The following DMBT1 variants were observed in gnomAD, a reference collection of about 807,000 sequenced individuals.
The protein encoded by DMBT1 is scavenger receptor cysteine-rich domain-containing protein DMBT1.
A neutral mutation model predicts 252.9 loss-of-function variants in DMBT1; 198 were observed. That is an observed-to-expected ratio of 0.78 (90% CI 0.70 to 0.88). The LOEUF (loss-of-function observed/expected upper bound fraction) is 0.88. DMBT1 is among the 40% of genes least tolerant of loss of function. The pLI, the probability that DMBT1 is intolerant of heterozygous loss-of-function variation, is 0.00. For missense variants in DMBT1, 2,432 were observed against 2,404.7 expected, an observed-to-expected ratio of 1.01 and a Z score of -0.24; for synonymous variants, 990 against 942.7, an observed-to-expected ratio of 1.05 and a Z score of -0.92.
chr10:122,636,129 C>T lies in DMBT1; in HGVS notation c.6687C>T (p.Ile2229=). Residue 2229 remains isoleucine (I), a synonymous_variant, in exon 53 of 56, where the codon ATC becomes ATT. Coordinates refer to ENST00000338354, the MANE Select transcript of DMBT1 (RefSeq NM_001377530.1). ...CCAACTTCATGTCCATTCGCTTCAT[C>T]AGTGACCACAGCATCACAAGGAGAG... ...SSSNFMSIRF[I]SDHSITRRGF... 1 of 1,613,972 alleles carries T rather than the reference C, an allele frequency of 6.2e-7. No homozygotes were observed. Among genetic ancestry groups the T allele is most frequent in the Non-Finnish European group, 8.5e-7 (1 of 1,179,880 alleles).
chr10:122,574,784 G>A (rs2097697227), intron 6 of DMBT1, among the ~76,000 whole-genome samples: 1 of 152,222 alleles, frequency 6.6e-6, no homozygotes. Flanking sequence ...GTCCAGCCAG[G>A]GATGGGAGTG....
intron 1 of DMBT1, among the ~76,000 whole-genome samples, chr10:122,565,399 T>C (rs920590969): frequency 1.3e-5 from 2 of 152,068 alleles, no homozygotes; most frequent in African/African-American, 4.8e-5. Flanking sequence ...CACTCACGAG[T>C]ATAGTTAGAA....
At position 122,598,012 on chromosome 10, in the gene DMBT1, G is replaced by A. The variant is rs201288175; in HGVS notation, c.2956G>A (p.Gly986Arg). The A allele has an allele frequency of 2.2e-5, 35 of 1,613,770 alleles. No homozygotes were observed. Among genetic ancestry groups the A allele is most frequent in the Non-Finnish European group, 3.0e-5 (35 of 1,179,858 alleles). The part of the protein sequence containing the change: ...PTITLPASTV[G>R]SESSLALRLV... ...CATCACCTTGCCTGCATCGACAGTA[G>A]GTAAATATTCCTCTCGCCCCTCCCT... is the stretch of plus-strand genomic sequence containing the variant. Residue 986 changes from glycine (G) to arginine (R), a missense_variant and splice_region_variant, in exon 25 of 56, where the codon GGA becomes AGA. By Grantham distance (125) the Gly-to-Arg change is moderately radical. Around this residue, in one of 3 missense-constraint regions of DMBT1, gnomAD observed 1,264 missense variants for 1,082.2 expected, o/e 1.17. Transcript: ENST00000338354.
At chr10:122,573,613 A>T in intron 5 of DMBT1, 102 bp from the exon 6 acceptor site, 1 of 1,404,170 alleles carries the variant, frequency 7.1e-7, no homozygotes, top group Non-Finnish European at 1.0e-6. Context: ...TGCCCTTAGG[A>T]CCTGTGCTTC....
At chr10:122,577,600 G>A (rs536389045) in intron 7 of DMBT1, among the ~76,000 whole-genome samples, 2 of 152,288 alleles carry the variant, frequency 1.3e-5, no homozygotes, top group South Asian at 2.1e-4. Context: ...CATATCCCTG[G>A]AGAGTGAGCC....
At chr10:122,580,078 T>C (rs1188372169) in intron 10 of DMBT1, among the ~76,000 whole-genome samples, 177 bp downstream of exon 10, 1 of 152,182 alleles carries the variant, frequency 6.6e-6, no homozygotes, top group African/African-American at 2.4e-5. Flanking sequence ...CTGTGGTCAC[T>C]TAGGACAGGG....
At position 122,629,895 on chromosome 10, in the gene DMBT1, C is replaced by T. The variant is rs1175680925; in HGVS notation, c.5724C>T (p.Ser1908=). ...TCTATGCCAGTGGGACATTCTCCAG[C>T]CCATCCTACCCTGCATACTACCCCA... ...FLFYASGTFS[S]PSYPAYYPNN... is the part of the protein sequence containing the mutation. The change falls in exon 47 of 56, where the codon AGC becomes AGT. Residue 1908 remains serine (S), a synonymous_variant. Coordinates refer to ENST00000338354, the MANE Select transcript of DMBT1 (RefSeq NM_001377530.1). 1.9e-6 allele frequency: 3 copies of T among 1,613,964 alleles called. No individual in the cohort carries two copies. In the Admixed American group the frequency reaches 5.0e-5, roughly 27 times the overall value.
rs773946911 is a variant in DMBT1 at position 122,631,018 on chromosome 10, T to C, written c.6083T>C (p.Val2028Ala). ...NSSYGLCAGR[V>A]EIYHGGTWGT... ...TCCTATGGTCTATGTGCCGGGCGTG[T>C]AGAAATTTACCATGGTGGCACCTGG... The change falls in exon 49 of 56, where the codon GTA becomes GCA. Residue 2028 changes from valine (V) to alanine (A), a missense_variant. This residue lies in a region of DMBT1 where 1,162 missense variants were observed against 1,169.0 expected (regional missense o/e 0.99). Coordinates refer to ENST00000338354, the MANE Select transcript of DMBT1 (RefSeq NM_001377530.1). The C allele has an allele frequency of 2.5e-6, 4 of 1,613,058 alleles. No individual in the cohort carries two copies. In the African/African-American group the frequency reaches 5.3e-5, roughly 22 times the overall value.
chr10:122,586,643 C>T lies in DMBT1; in HGVS notation c.1783+260C>T, dbSNP rs533122137. Among the ~76,000 whole-genome samples, 28 of 148,332 alleles carry T rather than the reference C, an allele frequency of 1.9e-4. 2 individuals carry two copies. The highest frequency in any genetic ancestry group is 3.4e-3 in the Middle Eastern group (1 of 294). On this transcript the variant is annotated intron_variant, in intron 16 of 55. Transcript: ENST00000338354. ...AGGCAGCGCAAGCAGAGGGAGAAGACGAAAGCGCCGGGTCTTTGCCTTTTA... is the reference window on the plus strand; with the variant it reads ...AGGCAGCGCAAGCAGAGGGAGAAGATGAAAGCGCCGGGTCTTTGCCTTTTA...
At chr10:122,622,668 G>A (rs2098081426) in intron 44 of DMBT1, among the ~76,000 whole-genome samples, 1 of 152,148 alleles carries the variant, frequency 6.6e-6, no homozygotes, top group African/African-American at 2.4e-5. Flanking sequence ...CTTGTAAACA[G>A]GTGCTTTCTT....
At chr10:122,634,260 C>T (rs2098191141) in intron 52 of DMBT1, among the ~76,000 whole-genome samples, 1 of 152,090 alleles carries the variant, frequency 6.6e-6, no homozygotes, top group African/African-American at 2.4e-5. Flanking sequence ...ATTGCTGCTC[C>T]AGAGGGTAGG....
chr10:122,578,870 G>T, intron 9 of DMBT1, 111 bp downstream of exon 9: 1 of 1,109,234 alleles, frequency 9.0e-7, no homozygotes, highest in Non-Finnish European at 1.3e-6. Flanking sequence ...AGTGGGCTAA[G>T]CGTGGGAGGG....
chr10:122,564,068 G>C (rs2981758), intron 1 of DMBT1, among the ~76,000 whole-genome samples: 101,958 of 152,064 alleles, frequency 0.67, 34,546 homozygotes, highest in East Asian at 0.77. Context: ...GGTTTCTATT[G>C]CGAGTTTCTT....
At chr10:122,577,645 G>T (rs921614797) in intron 7 of DMBT1, among the ~76,000 whole-genome samples, 166 bp from the exon 8 acceptor site, 2 of 152,184 alleles carry the variant, frequency 1.3e-5, no homozygotes, top group African/African-American at 2.4e-5. Context: ...GGGGCTGTGG[G>T]GTCCCTGAGG....
At chr10:122,588,829 G>C in intron 16 of DMBT1, 115 bp from the exon 17 acceptor site, 1 of 1,519,700 alleles carries the variant, frequency 6.6e-7, no homozygotes, top group Non-Finnish European at 8.9e-7. Context: ...ATCTTTAATC[G>C]TGACTGCCTG....
chr10:122,619,410 G>A, intron 42 of DMBT1, 73 bp downstream of exon 42: 2 of 1,590,446 alleles, frequency 1.3e-6, no homozygotes, highest in East Asian at 2.2e-5. Flanking sequence ...ACTCCACAGA[G>A]CTCTCCTGCT....
rs1565751588 is a variant in DMBT1 at position 122,592,306 on chromosome 10, T to C, written c.2211T>C (p.Asn737=). ...CCAGTTTGACCCTGAGGCTGGTGAA[T>C]GGAAGTGACAGGTGTCAGGGCCGAG... is the stretch of plus-strand genomic sequence containing the variant. ...SESSLTLRLV[N]GSDRCQGRVE... Residue 737 remains asparagine, a synonymous_variant, in exon 20 of 56, where the codon AAT becomes AAC. Coordinates refer to ENST00000338354, the MANE Select transcript of DMBT1 (RefSeq NM_001377530.1). 2 of 1,587,472 alleles carry C rather than the reference T, an allele frequency of 1.3e-6. No individual in the cohort carries two copies. The highest frequency in any genetic ancestry group is 1.7e-6 in the Non-Finnish European group (2 of 1,165,590).
At chr10:122,584,866 G>T (rs2097776387) in intron 14 of DMBT1, among the ~76,000 whole-genome samples, 1 of 149,176 alleles carries the variant, frequency 6.7e-6, no homozygotes, top group Non-Finnish European at 1.5e-5. Context: ...CAGGGAGAGG[G>T]ATAATAAATA....
chr10:122,588,946 C>T lies in DMBT1; in HGVS notation c.1786C>T (p.Pro596Ser), dbSNP rs372308924. The change falls in exon 17 of 56, where the codon CCT (proline) becomes TCT (serine). Residue 596 changes from proline to serine, a missense_variant and splice_region_variant. This residue lies in a region of DMBT1 where 1,264 missense variants were observed against 1,082.2 expected (regional missense o/e 1.17). Coordinates refer to ENST00000338354, the MANE Select transcript of DMBT1 (RefSeq NM_001377530.1). ...SEDAGVICSG[P>S]ESSLALRLVN... ...AGGGTTCTTGTGTTCTCCTATAGGACCTGAATCCAGTTTGGCCCTGAGGCT... is the reference window on the plus strand; with the variant it reads ...AGGGTTCTTGTGTTCTCCTATAGGATCTGAATCCAGTTTGGCCCTGAGGCT... The T allele has an allele frequency of 5.6e-5, 89 of 1,587,668 alleles. 10 individuals carry two copies. The highest frequency in any genetic ancestry group is 7.5e-5 in the Non-Finnish European group (88 of 1,165,660).
Sources: allele counts gnomAD v4.1 joint callset (sites outside exome capture counted in the v4.1 genomes callset), GRCh38; gene constraint gnomAD v4.1.1; regional missense constraint gnomAD v4.1.1; transcripts MANE v1.5; gene names NCBI Gene and HGNC (gene_info 2026-07-23, HGNC 2026-07-21).